SYNJ2: variants seen among roughly 807,000 people sequenced by gnomAD.
The protein encoded by SYNJ2 is polyphosphatidylinositol phosphatase SYNJ2.
In SYNJ2, 116 loss-of-function variants were observed where a neutral mutation model predicts 141.3. The observed-to-expected ratio is 0.82, with a 90% CI of 0.71 to 0.96. The LOEUF (loss-of-function observed/expected upper bound fraction) is 0.96. Among genes scored for constraint, SYNJ2 ranks in the 40% least tolerant of loss-of-function variants. The pLI is 0.00. For missense variants in SYNJ2, 1,873 were observed against 1,934.8 expected (o/e 0.97, Z 0.60); for synonymous variants, 745 against 777.7 (o/e 0.96, Z 0.70).
In SYNJ2 at chr6:158,090,594, G is replaced by C. The variant is rs184409171; in HGVS notation, c.3565+647G>C. On this transcript the variant is annotated intron_variant, in intron 25 of 26. Coordinates refer to ENST00000355585, the MANE Select transcript of SYNJ2 (RefSeq NM_003898.4). ...GAGTTTCACTCTGTCAGCTGGACTGGAGTGCAGTGGCTCAATCCCAGGTCA... is the reference window on the plus strand; with the variant it reads ...GAGTTTCACTCTGTCAGCTGGACTGCAGTGCAGTGGCTCAATCCCAGGTCA... Among the ~76,000 whole-genome samples, 75 of 143,686 alleles carry C rather than the reference G, an allele frequency of 5.2e-4. No homozygotes were observed. In the East Asian group the frequency reaches 0.011, roughly 20 times the overall value. The allele number at this position is 143,686 out of a possible 152,430, so 94.3% of individuals were successfully genotyped here.
chr6:158,087,379 A>G (rs1783121312), intron 23 of SYNJ2, among the ~76,000 whole-genome samples: 1 of 152,206 alleles, frequency 6.6e-6, no homozygotes, highest in East Asian at 1.9e-4. Context: ...TGGTAAACCC[A>G]GGTCCCCGCC....
rs1780049023 is a variant in SYNJ2 at position 158,043,239 on chromosome 6, C to T, written c.712-77C>T. 7.5e-7 allele frequency: 1 copy of T among 1,330,286 alleles called. No homozygotes were observed. Among genetic ancestry groups the T allele is most frequent in the Non-Finnish European group, 1.1e-6 (1 of 935,482 alleles). 82.4% of individuals were successfully genotyped at this position (1,330,286 alleles called of 1,614,324 possible). A position where few individuals can be genotyped will look rare whatever the true frequency, so the allele number is the denominator to read the frequency against. On this transcript the variant is annotated intron_variant, in intron 4 of 26. Coordinates refer to ENST00000355585, the MANE Select transcript of SYNJ2 (RefSeq NM_003898.4). This position sits in a 1 kb window ranked among gnomAD's most constrained non-coding sequence, Gnocchi z 4.0. Reference sequence around the variant, plus strand: ...CTGGCTGGTGTCGGGTCACAGGTGGCCGGATCCCGTTACCCAGCCCAGGAC... The same window carrying T: ...CTGGCTGGTGTCGGGTCACAGGTGGTCGGATCCCGTTACCCAGCCCAGGAC...
intron 5 of SYNJ2, among the ~76,000 whole-genome samples, chr6:158,052,335 T>C (rs1457215645): frequency 6.6e-6 from 1 of 152,198 alleles, no homozygotes; most frequent in African/African-American, 2.4e-5. Flanking sequence ...ACACACGTTA[T>C]TATTTTTTGA....
In SYNJ2 at chr6:158,069,623, G is replaced by A. The variant is rs1362709687; in HGVS notation, c.1890G>A (p.Val630=). ...TTCTGTTGACTTCGGCACAGCTGGTGGGCGTCTGTCTTTATATCTTTGTAC... is the reference window on the plus strand; with the variant it reads ...TTCTGTTGACTTCGGCACAGCTGGTAGGCGTCTGTCTTTATATCTTTGTAC... ...RYILLTSAQL[V]GVCLYIFVRP... is the part of the protein sequence containing the mutation. Residue 630 remains valine, a synonymous_variant, in exon 14 of 27, where the codon GTG becomes GTA. Transcript: ENST00000355585. 6.2e-7 allele frequency: 1 copy of A among 1,613,906 alleles called. No homozygotes were observed. Among genetic ancestry groups the A allele is most frequent in the African/African-American group, 1.3e-5 (1 of 74,908 alleles).
chr6:158,008,419 G>A (rs1202782625), intron 1 of SYNJ2, among the ~76,000 whole-genome samples: 4 of 152,204 alleles, frequency 2.6e-5, no homozygotes, highest in Non-Finnish European at 5.9e-5. Flanking sequence ...TCCCCTGGAG[G>A]GCTCATTAAA....
chr6:158,029,621 C>T (rs555331223), intron 3 of SYNJ2, among the ~76,000 whole-genome samples: 21 of 151,950 alleles, frequency 1.4e-4, no homozygotes, highest in African/African-American at 5.1e-4. Flanking sequence ...ACATAAGAGC[C>T]GACGTCTGCT....
intron 5 of SYNJ2, among the ~76,000 whole-genome samples, chr6:158,054,689 G>A (rs1404194592): frequency 6.6e-6 from 1 of 152,176 alleles, no homozygotes; most frequent in Non-Finnish European, 1.5e-5. Flanking sequence ...TCTTACCCTG[G>A]ATCTGCTTTC....
Position 158,084,874 on chromosome 6 carries a change from T to C in SYNJ2, c.3208+700T>C, listed in dbSNP as rs2128393146. On this transcript the variant is annotated intron_variant, in intron 22 of 26. Transcript: ENST00000355585. The surrounding 1 kb of genome is among the most constrained non-coding windows in gnomAD (Gnocchi z 5.0). ...AGTAGAGACATAATCCATATCTATG[T>C]CCTGAGTTGCTGGCGTATGGTCACA... Among the ~76,000 whole-genome samples the C allele has an allele frequency of 6.6e-6, 1 of 151,976 alleles. No homozygotes were observed. Among genetic ancestry groups the C allele is most frequent in the East Asian group, 1.9e-4 (1 of 5,168 alleles).
intron 22 of SYNJ2, among the ~76,000 whole-genome samples, chr6:158,086,202 A>T (rs1010492477): frequency 1.3e-5 from 2 of 152,106 alleles, no homozygotes; most frequent in African/African-American, 2.4e-5. Flanking sequence ...TGTCCGAGTC[A>T]AAGTGAAATG....
rs548482836 is a variant in SYNJ2, at chr6:158,002,849, C to T, written c.128-14355C>T. On this transcript the variant is annotated intron_variant, in intron 1 of 26. Coordinates refer to ENST00000355585, the MANE Select transcript of SYNJ2 (RefSeq NM_003898.4). The stretch of plus-strand genomic sequence containing the variant: ...GCTGGGCCCTGTCACTGGCTCTGCC[C>T]GAGGCATATGTGGCACTGGGCCTGG... Among the ~76,000 whole-genome samples, 8 of 152,312 alleles carry T rather than the reference C, an allele frequency of 5.3e-5. No homozygotes were observed. The South Asian group carries it at 1.2e-3, about 24-fold the overall frequency.
At chr6:158,024,545 T>G (rs907089031) in intron 2 of SYNJ2, among the ~76,000 whole-genome samples, 1 of 152,218 alleles carries the variant, frequency 6.6e-6, no homozygotes, top group Non-Finnish European at 1.5e-5. Flanking sequence ...GACCACACTC[T>G]TAAAGAGGAC....
intron 1 of SYNJ2, among the ~76,000 whole-genome samples, chr6:158,003,875 T>C (rs1431286697): frequency 6.6e-6 from 1 of 152,202 alleles, no homozygotes; most frequent in Non-Finnish European, 1.5e-5. Context: ...CACAGTTTCC[T>C]TGGGAGCCTC....
chr6:158,056,908 C>A (rs905916630), intron 6 of SYNJ2, among the ~76,000 whole-genome samples: 1 of 152,006 alleles, frequency 6.6e-6, no homozygotes, highest in African/African-American at 2.4e-5. Flanking sequence ...TGCTCCATAT[C>A]TGAGGAGGGC....
chr6:157,989,277 T>G, intron 1 of SYNJ2, among the ~76,000 whole-genome samples: 1 of 151,932 alleles, frequency 6.6e-6, no homozygotes, highest in Non-Finnish European at 1.5e-5. Flanking sequence ...TACTTCATCC[T>G]TATGTCAAGG....
intron 1 of SYNJ2, among the ~76,000 whole-genome samples, chr6:157,993,467 C>T (rs983900044): frequency 3.3e-5 from 5 of 152,064 alleles, no homozygotes; most frequent in African/African-American, 9.7e-5. Context: ...GCAAATATTT[C>T]CTCCCATTCT....
chr6:158,024,980 A>G (rs1298747200), intron 2 of SYNJ2, among the ~76,000 whole-genome samples: 1 of 152,224 alleles, frequency 6.6e-6, no homozygotes, highest in South Asian at 2.1e-4. Flanking sequence ...AAAACCTTCA[A>G]TGGCAGTTTT....
At chr6:158,075,961 C>A (rs955764933) in intron 16 of SYNJ2, among the ~76,000 whole-genome samples, 1 of 152,096 alleles carries the variant, frequency 6.6e-6, no homozygotes, top group African/African-American at 2.4e-5. Flanking sequence ...GACTGTAAGG[C>A]GGGAGGATTG....
chr6:158,017,860 C>T (rs74497537), intron 2 of SYNJ2: 20,264 of 488,024 alleles, frequency 0.042, 1,632 homozygotes, highest in Admixed American at 0.25. Flanking sequence ...GGCACCCCCA[C>T]CCTGTGCCAG....
chr6:158,057,632 A>G (rs922817257), intron 6 of SYNJ2, among the ~76,000 whole-genome samples: 42 of 152,388 alleles, frequency 2.8e-4, no homozygotes, highest in African/African-American at 9.9e-4. Context: ...ATAATGAGTA[A>G]TAACAGTTTC....
Sources: gnomAD v4.1 joint callset for allele counts (sites outside exome capture counted in the v4.1 genomes callset) on GRCh38, gnomAD v4.1.1 for gene constraint, Gnocchi (gnomAD v3.1) non-coding constraint, MANE v1.5 for transcripts, NCBI Gene and HGNC (gene_info 2026-07-23, HGNC 2026-07-21) for gene names.